The following MAGI2 variants were observed in gnomAD, a reference collection of about 807,000 sequenced individuals.
MAGI2 encodes the protein membrane-associated guanylate kinase, WW and PDZ domain-containing protein 2.
A neutral mutation model predicts 133.3 loss-of-function variants in MAGI2; 35 were observed. The observed-to-expected ratio is 0.26, with a 90% CI of 0.20 to 0.35. The LOEUF (loss-of-function observed/expected upper bound fraction) is 0.35. Among genes scored for constraint, MAGI2 ranks in the 10% least tolerant of loss-of-function variants. MAGI2 has a pLI of 1.00. For synonymous variants in MAGI2, 729 were observed against 710.6 expected, an observed-to-expected ratio of 1.03 and a Z score of -0.41; for missense variants, 1,636 against 1,863.4, an observed-to-expected ratio of 0.88 and a Z score of 2.25.
At chr7:78,836,714 T>C (rs1791649422) in intron 2 of MAGI2, among the ~76,000 whole-genome samples, 1 of 152,196 alleles carries the variant, frequency 6.6e-6, no homozygotes, top group African/African-American at 2.4e-5. Context: ...GATTTTGGCA[T>C]TTTCTAGACT....
chr7:78,405,320 G>T (rs1258984513), intron 6 of MAGI2, among the ~76,000 whole-genome samples: 1 of 152,020 alleles, frequency 6.6e-6, no homozygotes, highest in East Asian at 1.9e-4. Flanking sequence ...TTTCAGTGTG[G>T]ATAAAATCAA....
chr7:79,335,475 GA>G (rs1223432910), intron 1 of MAGI2, among the ~76,000 whole-genome samples: 1 of 151,960 alleles, frequency 6.6e-6, no homozygotes, highest in East Asian at 1.9e-4. Context: ...AATTATAAAG[GA>G]AAGGCAAGAT....
At chr7:78,847,255 A>G (rs1792701751) in intron 2 of MAGI2, among the ~76,000 whole-genome samples, 1 of 151,958 alleles carries the variant, frequency 6.6e-6, no homozygotes, top group African/African-American at 2.4e-5. Context: ...TAGGAATACA[A>G]ATATGCCTCA....
chr7:78,829,804 G>A (rs1790985722), intron 2 of MAGI2, among the ~76,000 whole-genome samples: 1 of 151,964 alleles, frequency 6.6e-6, no homozygotes, highest in Admixed American at 6.6e-5. Context: ...TCACAAAATT[G>A]ATATTTCTTC....
chr7:78,121,019 A>AAAAAAT (rs1554458978), intron 20 of MAGI2, among the ~76,000 whole-genome samples: 8 of 150,848 alleles, frequency 5.3e-5, no homozygotes, highest in Non-Finnish European at 7.4e-5. Flanking sequence ...AAAAAAAAAA[A>AAAAAAT]AATAATGATG....
intron 1 of MAGI2, among the ~76,000 whole-genome samples, chr7:79,235,587 T>G (rs1831844756): frequency 6.6e-6 from 1 of 152,122 alleles, no homozygotes; most frequent in African/African-American, 2.4e-5. Context: ...TTTGTTTGAC[T>G]CGGAAAGGGA....
chr7:78,323,633 T>C (rs1467305012), intron 9 of MAGI2, among the ~76,000 whole-genome samples: 1 of 152,232 alleles, frequency 6.6e-6, no homozygotes. Flanking sequence ...TCATAGTTTT[T>C]TTTGTGTTTG....
chr7:78,689,413 A>C (rs1816715226), intron 2 of MAGI2, among the ~76,000 whole-genome samples: 1 of 152,116 alleles, frequency 6.6e-6, no homozygotes, highest in African/African-American at 2.4e-5. Context: ...CATTCTTTTA[A>C]ATTTTCAAAT....
chr7:78,501,487 T>TTC, intron 5 of MAGI2, 90 bp downstream of exon 5: 1 of 1,088,364 alleles, frequency 9.2e-7, no homozygotes, highest in Non-Finnish European at 1.3e-6. Flanking sequence ...TTTTTTTCTT[T>TTC]TTTTTTTTTT....
At chr7:79,202,832 T>A (rs749762570) in intron 1 of MAGI2, among the ~76,000 whole-genome samples, 4 of 152,004 alleles carry the variant, frequency 2.6e-5, no homozygotes, top group Non-Finnish European at 4.4e-5. Context: ...CAGGTTCATA[T>A]CTTTAGAATC....
At chr7:78,397,922 A>G (rs1796508686) in intron 6 of MAGI2, among the ~76,000 whole-genome samples, 1 of 152,154 alleles carries the variant, frequency 6.6e-6, no homozygotes, top group African/African-American at 2.4e-5. Context: ...AGAGTACTGA[A>G]GTTATTATAT....
At chr7:78,281,192 C>T (rs550596761) in intron 9 of MAGI2, among the ~76,000 whole-genome samples, 1 of 152,190 alleles carries the variant, frequency 6.6e-6, no homozygotes, top group South Asian at 2.1e-4. Context: ...ATTTAATAGG[C>T]ATATTTTGTT....
intron 1 of MAGI2, among the ~76,000 whole-genome samples, chr7:79,304,068 T>C (rs944948030): frequency 6.6e-6 from 1 of 152,064 alleles, no homozygotes; most frequent in African/African-American, 2.4e-5. Flanking sequence ...TGCCCTTTTA[T>C]TGACACCACC....
At chr7:78,723,926 A>G (rs1328688778) in intron 2 of MAGI2, among the ~76,000 whole-genome samples, 1 of 152,116 alleles carries the variant, frequency 6.6e-6, no homozygotes, top group Non-Finnish European at 1.5e-5. Context: ...AATAACATTG[A>G]GGAGTGTCTA....
At chr7:78,344,302 C>T (rs1482150563) in intron 8 of MAGI2, among the ~76,000 whole-genome samples, 1 of 152,118 alleles carries the variant, frequency 6.6e-6, no homozygotes, top group African/African-American at 2.4e-5. Context: ...ACAAGGAGCC[C>T]AAATCATCCA....
At chr7:78,034,587 G>A (rs568350077) in intron 21 of MAGI2, among the ~76,000 whole-genome samples, 695 of 152,200 alleles carry the variant, frequency 4.6e-3, no homozygotes, top group Non-Finnish European at 7.3e-3. Context: ...GAGTGCAGTA[G>A]CGTGATCTTG....
intron 1 of MAGI2, among the ~76,000 whole-genome samples, chr7:79,292,230 C>G (rs535409519): frequency 6.6e-6 from 1 of 152,080 alleles, no homozygotes; most frequent in Non-Finnish European, 1.5e-5. Context: ...TTTCTTGACT[C>G]TTAACATTTC....
intron 2 of MAGI2, among the ~76,000 whole-genome samples, chr7:78,997,743 A>T (rs1806457555): frequency 6.6e-6 from 1 of 152,114 alleles, no homozygotes. Context: ...CTGTGCTCTA[A>T]AGTCCTTGAT....
chr7:78,778,386 C>T (rs1411378200), intron 2 of MAGI2, among the ~76,000 whole-genome samples: 2 of 152,160 alleles, frequency 1.3e-5, no homozygotes, highest in East Asian at 1.9e-4. Flanking sequence ...ATAACATGAT[C>T]AAAATTCAGT....
Sources: gnomAD v4.1 joint callset for allele counts (sites outside exome capture counted in the v4.1 genomes callset) on GRCh38, gnomAD v4.1.1 for gene constraint, MANE v1.5 for transcripts, NCBI Gene and HGNC (gene_info 2026-07-23, HGNC 2026-07-21) for gene names.